ELF1: variants seen among roughly 807,000 people sequenced by gnomAD.
ELF1 encodes the protein ETS-related transcription factor Elf-1.
Under a neutral mutation model 59.9 loss-of-function variants are expected in ELF1, and 24 were observed. The ratio of observed to expected loss-of-function variants is 0.40; its 90% CI spans 0.29 to 0.56. The LOEUF (loss-of-function observed/expected upper bound fraction) is 0.56. ELF1 is among the 20% of genes least tolerant of loss of function. The probability of loss-of-function intolerance (pLI) is 0.44; values close to 1 mark genes in which losing one functional copy is unlikely to be tolerated. For missense variants in ELF1, 627 were observed against 742.2 expected, an observed-to-expected ratio of 0.84 and a Z score of 1.80; for synonymous variants, 248 against 266.2, an observed-to-expected ratio of 0.93 and a Z score of 0.67.
rs566627105 is a variant in ELF1 at position 41,037,866 on chromosome 13, G to A, written c.-229+22972C>T. 7.9e-5 allele frequency among the ~76,000 whole-genome samples: 12 copies of A among 151,740 alleles called. No homozygotes were observed. In the South Asian group the frequency reaches 2.5e-3, roughly 32 times the overall value. On this transcript the variant is annotated intron_variant, in intron 1 of 1. Coordinates refer to the ELF1 transcript ENST00000405737. ...CTCAACAGACATTTCCCAAATTTAA[G>A]GATACAAAAATATGCATGTATAATG...
rs569012605 is a variant in ELF1 at position 40,988,738 on chromosome 13, A to C, written c.-228-6456T>G. ...CATGTATAAGCCTTTTTAGAAGGCT[A>C]CCACAATTTAGTAACTCATTAAAAT... is the stretch of plus-strand genomic sequence containing the variant. On this transcript the variant is annotated intron_variant, in intron 1 of 8. Transcript: ENST00000239882. Among the ~76,000 whole-genome samples, 152 of 152,370 alleles carry C rather than the reference A, an allele frequency of 1.0e-3. 2 individuals carry two copies. Among genetic ancestry groups the C allele is most frequent in the African/African-American group, 3.6e-3 (148 of 41,582 alleles).
chr13:40,967,670 C>A (rs542064669), intron 2 of ELF1, among the ~76,000 whole-genome samples: 4 of 152,212 alleles, frequency 2.6e-5, no homozygotes, highest in African/African-American at 9.6e-5. Flanking sequence ...CAGCTCACTG[C>A]ATCTGTGAAC....
intron 5 of ELF1, among the ~76,000 whole-genome samples, chr13:40,948,714 G>A (rs1314564945): frequency 6.6e-6 from 1 of 152,162 alleles, no homozygotes; most frequent in Non-Finnish European, 1.5e-5. Flanking sequence ...TTGGCAAAAA[G>A]TTAAAAATTC....
chr13:41,031,598 T>C (rs1360013823), intron 1 of ELF1, among the ~76,000 whole-genome samples: 13 of 151,888 alleles, frequency 8.6e-5, no homozygotes, highest in Admixed American at 5.2e-4. Flanking sequence ...GGTGGGTGGA[T>C]CACGAGGTTG....
In ELF1 at chr13:41,057,456, C is replaced by T. The variant is rs1877331056; in HGVS notation, c.-229+3382G>A. ...TCTCCAAGGCTGGAGTGCAGTGGCA[C>T]GATCCTGAGATCCTGGCTTACTGCA... is the stretch of plus-strand genomic sequence containing the variant. On this transcript the variant is annotated intron_variant, in intron 1 of 1. Coordinates refer to the ELF1 transcript ENST00000405737. Among the ~76,000 whole-genome samples the T allele has an allele frequency of 2.6e-5, 4 of 151,790 alleles. No individual in the cohort carries two copies. The South Asian group carries it at 8.3e-4, about 32-fold the overall frequency.
intron 1 of ELF1, among the ~76,000 whole-genome samples, chr13:41,008,425 C>T (rs1453837630): frequency 6.6e-6 from 1 of 152,122 alleles, no homozygotes; most frequent in Non-Finnish European, 1.5e-5. Flanking sequence ...TTTTGGAAAA[C>T]TTGTATGTAT....
chr13:41,027,869 G>A (rs1157944648), intron 1 of ELF1, among the ~76,000 whole-genome samples: 3 of 152,214 alleles, frequency 2.0e-5, no homozygotes, highest in African/African-American at 4.8e-5. Context: ...ATGGCCCTTA[G>A]AAGATTCAGT....
At chr13:41,044,055 G>A (rs1196663552) in intron 1 of ELF1, among the ~76,000 whole-genome samples, 1 of 152,138 alleles carries the variant, frequency 6.6e-6, no homozygotes, top group Non-Finnish European at 1.5e-5. Context: ...TCTCTTTGAA[G>A]CAATTGTGAA....
rs761367654 is a variant in ELF1 at position 40,943,835 on chromosome 13, G to A, written c.613+7C>T. The A allele has an allele frequency of 6.2e-7, 1 of 1,611,700 alleles. No individual in the cohort carries two copies. On this transcript the variant is annotated splice_region_variant and intron_variant, in intron 6 of 8. Transcript: ENST00000239882. ...TTATTTGACCTATAAGTATTACACA[G>A]TAGTACCCTTTCCATCTTTGTTTTT... is the stretch of plus-strand genomic sequence containing the variant.
At chr13:40,998,259 G>A (rs999262767) in intron 1 of ELF1, among the ~76,000 whole-genome samples, 18 of 152,282 alleles carry the variant, frequency 1.2e-4, no homozygotes, top group Admixed American at 2.0e-4. Context: ...ACAACATTCT[G>A]GTGAACAATG....
intron 8 of ELF1, among the ~76,000 whole-genome samples, chr13:40,939,450 C>A (rs1375228746): frequency 6.6e-6 from 1 of 152,090 alleles, no homozygotes; most frequent in Non-Finnish European, 1.5e-5. Context: ...TAAAAAAATT[C>A]CATGGAATCA....
At chr13:41,047,480 T>G (rs1281809075) in intron 1 of ELF1, among the ~76,000 whole-genome samples, 5 of 152,228 alleles carry the variant, frequency 3.3e-5, no homozygotes, top group African/African-American at 4.8e-5. Flanking sequence ...TTCTGTTTGT[T>G]AGTTTTCCTT....
intron 3 of ELF1, among the ~76,000 whole-genome samples, chr13:40,955,652 G>C (rs1871300968): frequency 4.5e-5 from 5 of 110,472 alleles, no homozygotes; most frequent in Non-Finnish European, 4.0e-5. Context: ...TGCCCGGCCA[G>C]CCGCCCCGTC....
At chr13:40,960,639 T>G (rs974170986) in intron 2 of ELF1, among the ~76,000 whole-genome samples, 8 of 152,244 alleles carry the variant, frequency 5.3e-5, no homozygotes, top group African/African-American at 1.7e-4. Flanking sequence ...GGTCTTGCTC[T>G]GTTGCCCAGG....
chr13:41,045,416 T>C (rs1360824625), intron 1 of ELF1, among the ~76,000 whole-genome samples: 3 of 152,222 alleles, frequency 2.0e-5, no homozygotes, highest in Non-Finnish European at 4.4e-5. Context: ...CGCTTTCTCT[T>C]GTGGGCATTT....
chr13:40,989,012 G>A (rs997092784), intron 1 of ELF1, among the ~76,000 whole-genome samples: 71 of 152,266 alleles, frequency 4.7e-4, no homozygotes, highest in African/African-American at 1.6e-3. Flanking sequence ...TGCCCAAGGT[G>A]GCCTCGAACT....
intron 2 of ELF1, among the ~76,000 whole-genome samples, chr13:40,972,137 A>G (rs995657467): frequency 2.6e-5 from 4 of 152,196 alleles, no homozygotes; most frequent in African/African-American, 9.6e-5. Flanking sequence ...ATGGACTTTG[A>G]CAAGAATCTT....
intron 1 of ELF1, among the ~76,000 whole-genome samples, chr13:41,035,411 T>A (rs543746082): frequency 1.2e-4 from 18 of 152,332 alleles, no homozygotes; most frequent in African/African-American, 4.3e-4. Flanking sequence ...ATAAACCTTT[T>A]TTTTTTCCCT....
intron 1 of ELF1, among the ~76,000 whole-genome samples, chr13:40,996,238 C>T (rs1013295214): frequency 5.9e-5 from 9 of 151,450 alleles, no homozygotes; most frequent in Non-Finnish European, 7.4e-5. Flanking sequence ...AAATGGTACA[C>T]TTTGGAAGAC....
Sources: allele counts gnomAD v4.1 joint callset (sites outside exome capture counted in the v4.1 genomes callset), GRCh38; gene constraint gnomAD v4.1.1; transcripts MANE v1.5; gene names NCBI Gene and HGNC (gene_info 2026-07-23, HGNC 2026-07-21).